Variants in NIM1K observed in about 807,000 individuals in gnomAD.
NIM1K encodes NIM1 serine/threonine protein kinase.
A neutral mutation model predicts 37.1 loss-of-function variants in NIM1K; 35 were observed. The ratio of observed to expected loss-of-function variants is 0.94; its 90% CI spans 0.72 to 1.25. The LOEUF is 1.25. Ranked by LOEUF, NIM1K falls within the 50% of genes most tolerant of loss-of-function variation. The probability of loss-of-function intolerance (pLI) is 0.00; values close to 1 mark genes in which losing one functional copy is unlikely to be tolerated. For synonymous variants in NIM1K, 234 were observed against 206.6 expected (o/e 1.13, Z -1.14); for missense variants, 564 against 548.0 (o/e 1.03, Z -0.29).
intron 1 of NIM1K, among the ~76,000 whole-genome samples, chr5:43,194,011 GCAGTC>G (rs1180822736): frequency 1.3e-5 from 2 of 151,950 alleles, no homozygotes; most frequent in African/African-American, 4.8e-5. Context: ...TTCAGAGTTT[GCAGTC>G]CATGCAACAC....
At chr5:43,197,463 G>C (rs1380054868) in intron 1 of NIM1K, among the ~76,000 whole-genome samples, 1 of 152,110 alleles carries the variant, frequency 6.6e-6, no homozygotes, top group Non-Finnish European at 1.5e-5. Context: ...TCTATTCTTG[G>C]CTAATAAAAT....
At chr5:43,201,950 T>C (rs1037565804) in intron 1 of NIM1K, among the ~76,000 whole-genome samples, 1 of 141,214 alleles carries the variant, frequency 7.1e-6, no homozygotes, top group Admixed American at 7.5e-5. Flanking sequence ...AGAGCGAGAC[T>C]CCCTCTGAGC....
At chr5:43,225,526 T>C (rs1752442570) in intron 1 of NIM1K, 1 of 152,302 alleles carries the variant, frequency 6.6e-6, no homozygotes, top group Non-Finnish European at 1.5e-5. Context: ...GTTTTGAAGG[T>C]GGGACCTTCT....
At chr5:43,205,229 GCTCT>G (rs1320416995) in intron 1 of NIM1K, among the ~76,000 whole-genome samples, 6 of 152,156 alleles carry the variant, frequency 3.9e-5, no homozygotes, top group Non-Finnish European at 8.8e-5. Context: ...TCACTCACTA[GCTCT>G]CTGAGTTTGG....
intron 2 of NIM1K, among the ~76,000 whole-genome samples, chr5:43,257,106 G>A (rs1579983072): frequency 6.6e-6 from 1 of 151,954 alleles, no homozygotes. Context: ...GAGGTGAAAA[G>A]GAGGCTAGGG....
At chr5:43,255,374 G>A (rs909635219) in intron 2 of NIM1K, among the ~76,000 whole-genome samples, 13 of 152,178 alleles carry the variant, frequency 8.5e-5, no homozygotes, top group Non-Finnish European at 1.8e-4. Context: ...CTGTCCTTAT[G>A]GAACTTACAC....
At chr5:43,272,659 C>G (rs756700060) in intron 2 of NIM1K, among the ~76,000 whole-genome samples, 2 of 152,208 alleles carry the variant, frequency 1.3e-5, no homozygotes, top group Non-Finnish European at 2.9e-5. Context: ...GTTTTAATAT[C>G]TGCTCCCTTC....
chr5:43,266,032 C>T lies in NIM1K; in HGVS notation c.293-11025C>T, dbSNP rs192307054. ...CAGCTGTGTGAGGCATCAGTCGGCC[C>T]CTACTGGGAGGTGCCGCTCAGGCTA... On this transcript the variant is annotated intron_variant, in intron 2 of 3. Transcript: ENST00000326035. 2.0e-5 allele frequency among the ~76,000 whole-genome samples: 3 copies of T among 152,334 alleles called. 1 individual carries two copies. The highest frequency in any genetic ancestry group is 7.2e-5 in the African/African-American group (3 of 41,580).
chr5:43,261,853 T>A (rs895605580), intron 2 of NIM1K, among the ~76,000 whole-genome samples: 1 of 152,238 alleles, frequency 6.6e-6, no homozygotes, highest in African/African-American at 2.4e-5. Flanking sequence ...CCAGCACCAC[T>A]TATTAAATAG....
rs1752766299 is a variant in NIM1K at position 43,245,698 on chromosome 5, TC to T, written c.-77del. ...GGGCACCTGCTGTCCTCAGTTGGCA[TC>T]TCCCACCCTCTGAGCCTCTTCTGCT... On this transcript the variant is annotated 5_prime_UTR_variant, in exon 2 of 4. Coordinates refer to ENST00000326035, the MANE Select transcript of NIM1K (RefSeq NM_153361.4). The T allele has an allele frequency of 1.4e-6, 2 of 1,389,726 alleles. No homozygotes were observed. The highest frequency in any genetic ancestry group is 1.9e-6 in the Non-Finnish European group (2 of 1,025,672). 86.1% of individuals were successfully genotyped at this position (1,389,726 alleles called of 1,614,324 possible).
intron 2 of NIM1K, among the ~76,000 whole-genome samples, chr5:43,274,677 C>G (rs1420819675): frequency 6.6e-6 from 1 of 152,126 alleles, no homozygotes; most frequent in Non-Finnish European, 1.5e-5. Flanking sequence ...GCTCCTGCTC[C>G]CTTAGAGCTG....
At chr5:43,255,899 G>A (rs1397075113) in intron 2 of NIM1K, among the ~76,000 whole-genome samples, 1 of 151,436 alleles carries the variant, frequency 6.6e-6, no homozygotes, top group Non-Finnish European at 1.5e-5. Context: ...ATACATGGGG[G>A]AACTCCATCA....
chr5:43,232,382 G>A lies in NIM1K; in HGVS notation c.-694-12700G>A, dbSNP rs182851985. 3.0e-4 allele frequency: 419 copies of A among 1,396,894 alleles called. 7 individuals carry two copies. The East Asian group carries it at 9.5e-3, about 32-fold the overall frequency. 86.5% of individuals were successfully genotyped at this position (1,396,894 alleles called of 1,614,324 possible). ...ATATGTGTCCAGACGGAAGTGGATG[G>A]GGGGATAGGCCACCAGCTTGGTCTG... On this transcript the variant is annotated intron_variant, in intron 1 of 3. Coordinates refer to ENST00000326035, the MANE Select transcript of NIM1K (RefSeq NM_153361.4).
intron 1 of NIM1K, among the ~76,000 whole-genome samples, chr5:43,223,811 G>T (rs1428297768): frequency 2.0e-5 from 3 of 152,182 alleles, no homozygotes; most frequent in Non-Finnish European, 4.4e-5. Context: ...TGATATAAAT[G>T]AATTCCTGCC....
At chr5:43,214,833 AAAAAAG>A in intron 1 of NIM1K, among the ~76,000 whole-genome samples, 1 of 136,190 alleles carries the variant, frequency 7.3e-6, no homozygotes, top group East Asian at 2.3e-4. Flanking sequence ...AAAAAAAAAC[AAAAAAG>A]AAAAAAGAAA....
In NIM1K at chr5:43,245,586, C is replaced by T. The variant is rs1462195074; in HGVS notation, c.-190C>T. The T allele has an allele frequency of 1.3e-5, 7 of 531,518 alleles. No homozygotes were observed. In the Admixed American group the frequency reaches 1.3e-4, roughly 10 times the overall value. The allele number at this position is 531,518 out of a possible 1,614,324, so 32.9% of individuals were successfully genotyped here. A position where few individuals can be genotyped will look rare whatever the true frequency, so the allele number is the denominator to read the frequency against. The stretch of plus-strand genomic sequence containing the variant: ...GCGAGCAGCTCCTGGCTGGGCTGGG[C>T]AGACTCAGCTACCACGTTCACTGCC... On this transcript the variant is annotated 5_prime_UTR_variant, in exon 2 of 4. Transcript: ENST00000326035.
intron 2 of NIM1K, among the ~76,000 whole-genome samples, chr5:43,271,940 T>C (rs1182889048): frequency 2.0e-5 from 3 of 152,192 alleles, no homozygotes; most frequent in Non-Finnish European, 4.4e-5. Context: ...CCTTTTAGGA[T>C]TGGCATTTTT....
chr5:43,198,895 A>T (rs1382167129), intron 1 of NIM1K, among the ~76,000 whole-genome samples: 1 of 152,076 alleles, frequency 6.6e-6, no homozygotes, highest in Non-Finnish European at 1.5e-5. Context: ...ATTTTTAAAA[A>T]TATGTATAAA....
At chr5:43,220,158 G>A (rs969112388) in intron 1 of NIM1K, among the ~76,000 whole-genome samples, 1 of 152,144 alleles carries the variant, frequency 6.6e-6, no homozygotes, top group Non-Finnish European at 1.5e-5. Flanking sequence ...AGGTTGTGCA[G>A]ATTTATGCCT....
Sources: gnomAD v4.1 joint callset for allele counts (sites outside exome capture counted in the v4.1 genomes callset) on GRCh38, gnomAD v4.1.1 for gene constraint, MANE v1.5 for transcripts, NCBI Gene and HGNC (gene_info 2026-07-23, HGNC 2026-07-21) for gene names.